ANXA6: variants seen among roughly 807,000 people sequenced by gnomAD.
ANXA6 encodes 67 kDa calelectrin.
ANXA6 carries 71 observed loss-of-function variants against 95.4 expected under a neutral mutation model. The observed-to-expected ratio is 0.74, with a 90% CI of 0.61 to 0.91. ANXA6 has a LOEUF of 0.91. ANXA6 is among the 40% of genes least tolerant of loss of function. The pLI is 0.00. For synonymous variants in ANXA6, 289 were observed against 315.9 expected (o/e 0.91, Z 0.90); for missense variants, 830 against 876.4 (o/e 0.95, Z 0.67).
Position 151,109,833 on chromosome 5 carries a change from G to A in ANXA6, c.1604C>T (p.Thr535Ile). The A allele has an allele frequency of 6.2e-7, 1 of 1,606,116 alleles. No individual in the cohort carries two copies. The highest frequency in any genetic ancestry group is 8.5e-7 in the Non-Finnish European group (1 of 1,175,716). ...VAAEILEIAD[T>I]PSGDKTSLET... ...CAAGGAAGTTTTGTCTCCACTAGGT[G>A]TGTCTGCTATTTCCTGCAGAGCCCC... Residue 535 changes from threonine (T) to isoleucine (I), a missense_variant, in exon 22 of 26, where the codon ACA (threonine) becomes ATA (isoleucine). Physicochemically the swap from Thr to Ile is moderately conservative, Grantham distance 89. Coordinates refer to ENST00000354546, the MANE Select transcript of ANXA6 (RefSeq NM_001155.5).
chr5:151,105,709 G>T (rs938949019), intron 23 of ANXA6, among the ~76,000 whole-genome samples: 1 of 152,182 alleles, frequency 6.6e-6, no homozygotes, highest in African/African-American at 2.4e-5. Flanking sequence ...TTGAGCAGTG[G>T]TTCTCAAAGT....
chr5:151,114,613 TA>T (rs61407672), intron 20 of ANXA6, among the ~76,000 whole-genome samples: 3,393 of 69,760 alleles, frequency 0.049, 38 homozygotes, highest in East Asian at 0.066. Flanking sequence ...GACTCCGTCT[TA>T]AAAAAAAAAA....
intron 23 of ANXA6, among the ~76,000 whole-genome samples, chr5:151,105,827 G>A (rs1338110215): frequency 6.6e-6 from 1 of 152,128 alleles, no homozygotes; most frequent in Non-Finnish European, 1.5e-5. Flanking sequence ...AAACTCTAGA[G>A]GTGAGTGACC....
intron 14 of ANXA6, among the ~76,000 whole-genome samples, chr5:151,125,559 A>T (rs1481166331): frequency 3.3e-5 from 5 of 152,204 alleles, no homozygotes. Context: ...TTTGTGAAAA[A>T]GGAAAATCAG....
At chr5:151,135,481 C>G (rs3811988) in intron 7 of ANXA6, among the ~76,000 whole-genome samples, 5 of 152,006 alleles carry the variant, frequency 3.3e-5, no homozygotes, top group African/African-American at 1.2e-4. Flanking sequence ...AATGGGGGAA[C>G]GAGGAAACAT....
chr5:151,129,692 TAC>T lies in ANXA6; in HGVS notation c.796-165_796-164del, dbSNP rs1369799328. Among the ~76,000 whole-genome samples the T allele has an allele frequency of 8.2e-5, 11 of 134,564 alleles. No homozygotes were observed. The East Asian group carries it at 2.2e-3, about 27-fold the overall frequency. The allele number at this position is 134,564 out of a possible 152,430, so 88.3% of individuals were successfully genotyped here. A position where few individuals can be genotyped will look rare whatever the true frequency, so the allele number is the denominator to read the frequency against. ...ATTGAAGCTCTCTCTATGCTCCTCT[TAC>T]TGTTTTGTTTGTTTGTTTGTTTGTT... is the stretch of plus-strand genomic sequence containing the variant. On this transcript the variant is annotated intron_variant, in intron 11 of 25. Coordinates refer to ENST00000354546, the MANE Select transcript of ANXA6 (RefSeq NM_001155.5).
Position 151,129,540 on chromosome 5 carries a change from A to T in ANXA6, c.796-11T>A, listed in dbSNP as rs1765434275. On this transcript the variant is annotated splice_polypyrimidine_tract_variant and intron_variant, in intron 11 of 25. Transcript: ENST00000354546. ...CCGAGTCCCCAGGCCCTGCAAGACA[A>T]GTGGGTTTGGGGAACATGGACTTGA... 6.3e-7 allele frequency: 1 copy of T among 1,594,616 alleles called. No homozygotes were observed. Among genetic ancestry groups the T allele is most frequent in the East Asian group, 2.3e-5 (1 of 44,126 alleles).
In ANXA6 at chr5:151,124,285, C is replaced by G; in HGVS notation, c.1138+1G>C. 1 of 1,613,480 alleles carries G rather than the reference C, an allele frequency of 6.2e-7. No individual in the cohort carries two copies. Among genetic ancestry groups the G allele is most frequent in the Non-Finnish European group, 8.5e-7 (1 of 1,179,698 alleles). ...CCCTGCTCCCTTCCCATCCCCCATA[C>G]CGAGTCCCTTCATGGCTTTCCGCAG... On this transcript the variant is annotated splice_donor_variant, in intron 15 of 25. Coordinates refer to ENST00000354546, the MANE Select transcript of ANXA6 (RefSeq NM_001155.5). LOFTEE classifies it high-confidence loss of function.
At chr5:151,154,971 A>T (rs1371264240) in intron 1 of ANXA6, 5 of 21,426 alleles carry the variant, frequency 2.3e-4, no homozygotes, top group African/African-American at 7.6e-4. Context: ...TTTCATATTA[A>T]AAAAAAAAAA....
intron 16 of ANXA6, among the ~76,000 whole-genome samples, chr5:151,122,583 G>A (rs1171367841): frequency 6.6e-6 from 1 of 152,182 alleles, no homozygotes; most frequent in East Asian, 1.9e-4. Flanking sequence ...ACACTCAGTT[G>A]GGGCCTTGAA....
At chr5:151,148,014 C>T in intron 1 of ANXA6, 88 bp from the exon 2 acceptor site, 1 of 1,270,268 alleles carries the variant, frequency 7.9e-7, no homozygotes, top group South Asian at 1.3e-5. Context: ...CTGCTGTTTT[C>T]CAGCTGCCCC....
At chr5:151,136,913 G>C (rs915413993) in intron 6 of ANXA6, among the ~76,000 whole-genome samples, 4 of 152,190 alleles carry the variant, frequency 2.6e-5, no homozygotes, top group African/African-American at 9.7e-5. Context: ...TTTGATTCTT[G>C]TTACCTTATT....
chr5:151,111,679 C>T (rs1764853587), intron 20 of ANXA6, among the ~76,000 whole-genome samples: 1 of 152,238 alleles, frequency 6.6e-6, no homozygotes. Context: ...ACCTTGACCT[C>T]CTGGGCTCAA....
intron 20 of ANXA6, among the ~76,000 whole-genome samples, chr5:151,113,566 C>T (rs1463550356): frequency 6.6e-6 from 1 of 152,068 alleles, no homozygotes; most frequent in Non-Finnish European, 1.5e-5. Context: ...CCCAATTGTT[C>T]TCACTTACGC....
chr5:151,137,009 T>A (rs749308485), intron 6 of ANXA6, among the ~76,000 whole-genome samples: 4 of 152,202 alleles, frequency 2.6e-5, no homozygotes, highest in Non-Finnish European at 5.9e-5. Context: ...TATCTCATTA[T>A]CTCATTGGCC....
rs766564550 is a variant in ANXA6, at chr5:151,124,379, A to G, written c.1057-12T>C. On this transcript the variant is annotated splice_polypyrimidine_tract_variant and intron_variant, in intron 14 of 25. Transcript: ENST00000354546. ...ACAGTTCCCTTCAGCTGTGAGAAGC[A>G]GAAAGAGACTCAGCAGGTGTCTGAA... 4.4e-6 allele frequency: 7 copies of G among 1,605,828 alleles called. No individual in the cohort carries two copies. The highest frequency in any genetic ancestry group is 6.0e-6 in the Non-Finnish European group (7 of 1,176,174).
rs1764542157 is a variant in ANXA6 at position 151,101,329 on chromosome 5, AACCCCTCCCCCC to A, written c.*107_*118del. On this transcript the variant is annotated 3_prime_UTR_variant, in exon 26 of 26. Transcript: ENST00000354546. Reference sequence around the variant, plus strand: ...TCCACTGAAGATAAGAGCCCAACCCAACCCCTCCCCCCACCCCTGCCCCTTCCTTAGTCTCTG... The same window carrying A: ...TCCACTGAAGATAAGAGCCCAACCCAACCCCTGCCCCTTCCTTAGTCTCTG... The A allele has an allele frequency of 1.0e-5, 4 of 401,474 alleles. No individual in the cohort carries two copies. Among genetic ancestry groups the A allele is most frequent in the East Asian group, 7.2e-5 (1 of 13,984 alleles). The allele number at this position is 401,474 out of a possible 1,614,324, so 24.9% of individuals were successfully genotyped here.
chr5:151,150,048 G>A (rs1461037388), intron 1 of ANXA6, among the ~76,000 whole-genome samples: 1 of 151,878 alleles, frequency 6.6e-6, no homozygotes, highest in Non-Finnish European at 1.5e-5. Flanking sequence ...GAGCTGGGAG[G>A]CAGAGGTTGC....
intron 15 of ANXA6, 38 bp from the exon 16 acceptor site, chr5:151,123,049 G>A (rs757683794): frequency 3.8e-5 from 60 of 1,569,938 alleles, no homozygotes; most frequent in Middle Eastern, 3.3e-4. Context: ...AAGAAGGCCT[G>A]TGGCTCTCGG....
Sources: allele counts gnomAD v4.1 joint callset (sites outside exome capture counted in the v4.1 genomes callset), GRCh38; gene constraint gnomAD v4.1.1; transcripts MANE v1.5; gene names NCBI Gene and HGNC (gene_info 2026-07-23, HGNC 2026-07-21).